The following AUH variants were observed in gnomAD, a reference collection of about 807,000 sequenced individuals.
The protein encoded by AUH is methylglutaconyl-CoA hydratase, mitochondrial.
AUH carries 29 observed loss-of-function variants against 42.3 expected under a neutral mutation model. The observed-to-expected ratio is 0.69, with a 90% CI of 0.51 to 0.93. The LOEUF (loss-of-function observed/expected upper bound fraction) is 0.93, where lower values mean the gene tolerates loss of function less well. AUH is among the 40% of genes least tolerant of loss of function. The probability of loss-of-function intolerance (pLI) is 0.00; values close to 1 mark genes in which losing one functional copy is unlikely to be tolerated. For synonymous variants in AUH, 174 were observed against 166.4 expected, an observed-to-expected ratio of 1.05 and a Z score of -0.35; for missense variants, 452 against 438.1, an observed-to-expected ratio of 1.03 and a Z score of -0.28.
chr9:91,226,517 T>C (rs1179563437), intron 6 of AUH, among the ~76,000 whole-genome samples: 272 of 151,632 alleles, frequency 1.8e-3, no homozygotes, highest in Non-Finnish European at 3.5e-3. Context: ...TTCACTCTGA[T>C]GGTAGTTTCT....
chr9:91,330,212 T>A (rs1830230257), intron 3 of AUH, among the ~76,000 whole-genome samples: 1 of 152,086 alleles, frequency 6.6e-6, no homozygotes, highest in Non-Finnish European at 1.5e-5. Flanking sequence ...CGAAAAGATA[T>A]CACTTTCAAA....
chr9:91,220,890 A>G lies in AUH; in HGVS notation c.758T>C (p.Leu253Ser). 1 of 1,614,276 alleles carries G rather than the reference A, an allele frequency of 6.2e-7. No individual in the cohort carries two copies. Among genetic ancestry groups the G allele is most frequent in the Non-Finnish European group, 8.5e-7 (1 of 1,180,060 alleles). The change falls in exon 7 of 10, where the codon TTA becomes TCA. Residue 253 changes from leucine to serine, a missense_variant. Transcript: ENST00000375731. The part of the protein sequence containing the change: ...LDGKEAKAVG[L>S]ISHVLEQNQE... ...GTTCTGTTCCAGAACGTGGCTGATT[A>G]AGCCCACTGCTTTGGCTTCTTTGCC...
At chr9:91,319,746 A>G (rs1475257038) in intron 4 of AUH, among the ~76,000 whole-genome samples, 3 of 152,234 alleles carry the variant, frequency 2.0e-5, no homozygotes, top group Non-Finnish European at 4.4e-5. Context: ...CTGGCAGGCC[A>G]CTGCGCATGC....
At chr9:91,271,884 G>A (rs1354800929) in intron 6 of AUH, among the ~76,000 whole-genome samples, 1 of 152,142 alleles carries the variant, frequency 6.6e-6, no homozygotes, top group Admixed American at 6.5e-5. Context: ...GTTTCAACAT[G>A]TTGGCCAGAC....
intron 3 of AUH, among the ~76,000 whole-genome samples, chr9:91,337,826 T>C (rs924898668): frequency 8.5e-5 from 13 of 152,286 alleles, no homozygotes; most frequent in African/African-American, 2.9e-4. Flanking sequence ...AGGGAAGGAA[T>C]TGATTGGTGG....
chr9:91,349,353 T>C (rs76172953), intron 3 of AUH, among the ~76,000 whole-genome samples: 94 of 152,362 alleles, frequency 6.2e-4, no homozygotes, highest in African/African-American at 2.1e-3. Context: ...CCAAGAATTG[T>C]TTATCATATA....
chr9:91,329,409 A>G (rs1298696246), intron 3 of AUH, among the ~76,000 whole-genome samples: 1 of 152,142 alleles, frequency 6.6e-6, no homozygotes, highest in East Asian at 1.9e-4. Flanking sequence ...CTAGTCACCA[A>G]CAATTGTCTG....
At chr9:91,258,136 C>T (rs1025695764) in intron 6 of AUH, among the ~76,000 whole-genome samples, 6 of 152,068 alleles carry the variant, frequency 3.9e-5, no homozygotes, top group African/African-American at 9.7e-5. Context: ...TTATTAGTTC[C>T]AAAAGTGTTT....
At position 91,292,214 on chromosome 9, in the gene AUH, G is replaced by A. The variant is rs142634109; in HGVS notation, c.655+3807C>T. 4.6e-5 allele frequency among the ~76,000 whole-genome samples: 7 copies of A among 150,876 alleles called. No homozygotes were observed. In the East Asian group the frequency reaches 9.7e-4, roughly 21 times the overall value. ...TCTAAGTTCAGGCTACCCACTAACC[G>A]CAACTTTTGTCCCACTGCAGAGAAA... is the stretch of plus-strand genomic sequence containing the variant. On this transcript the variant is annotated intron_variant, in intron 6 of 9. Coordinates refer to ENST00000375731, the MANE Select transcript of AUH (RefSeq NM_001698.3).
intron 3 of AUH, among the ~76,000 whole-genome samples, chr9:91,345,121 A>C (rs186231665): frequency 9.1e-4 from 139 of 152,324 alleles, no homozygotes; most frequent in African/African-American, 3.2e-3. Context: ...AAAAGACTGG[A>C]TGCCTTCCCC....
At position 91,220,908 on chromosome 9, in the gene AUH, T is replaced by C; in HGVS notation, c.740A>G (p.Glu247Gly). Residue 247 changes from glutamate (E) to glycine (G), a missense_variant, in exon 7 of 10, where the codon GAA becomes GGA. Glu to Gly is a moderately conservative substitution (Grantham distance 98). Transcript: ENST00000375731. ...GCTGATTAAGCCCACTGCTTTGGCT[T>C]CTTTGCCATCGAGGACTCGCGCAGA... is the stretch of plus-strand genomic sequence containing the variant. ...IFSARVLDGK[E>G]AKAVGLISHV... 1 of 1,614,248 alleles carries C rather than the reference T, an allele frequency of 6.2e-7. No homozygotes were observed. Among genetic ancestry groups the C allele is most frequent in the Non-Finnish European group, 8.5e-7 (1 of 1,180,034 alleles).
chr9:91,325,015 C>T (rs1452497278), intron 4 of AUH, among the ~76,000 whole-genome samples: 3 of 152,010 alleles, frequency 2.0e-5, no homozygotes, highest in Middle Eastern at 3.4e-3. Flanking sequence ...GAATCCCAAA[C>T]GTATGTTTGC....
In AUH at chr9:91,325,327, TA is replaced by T; in HGVS notation, c.495del (p.Asn166ThrfsTer14). The T allele has an allele frequency of 6.2e-7, 1 of 1,613,708 alleles. No individual in the cohort carries two copies. The highest frequency in any genetic ancestry group is 8.5e-7 in the Non-Finnish European group (1 of 1,179,702). On this transcript the variant is annotated frameshift_variant, in exon 4 of 10. Transcript: ENST00000375731. LOFTEE classifies it high-confidence loss of function. ...ACTTAATAGTGCTTACCAATATCGTTAATCACTGCTCTTATTTTGGAGACAA... is the reference window on the plus strand; with the variant it reads ...ACTTAATAGTGCTTACCAATATCGTTATCACTGCTCTTATTTTGGAGACAA... The part of the protein sequence containing the change: ...GPFVSKIRAV[I>X]NDIANLPVPT...
At chr9:91,360,013 GAA>G (rs1044119659) in intron 1 of AUH, among the ~76,000 whole-genome samples, 1 of 115,396 alleles carries the variant, frequency 8.7e-6, no homozygotes, top group Admixed American at 8.7e-5. Context: ...CAAGGCTAAA[GAA>G]AAAAAAAAAA....
chr9:91,220,657 A>G (rs1827078465), intron 7 of AUH, 148 bp downstream of exon 7: 3 of 748,058 alleles, frequency 4.0e-6, no homozygotes, highest in Admixed American at 2.6e-5. Flanking sequence ...TATCTTGTGT[A>G]ACTGCTCTAG....
In AUH at chr9:91,295,226, T is replaced by A. The variant is rs550537108; in HGVS notation, c.655+795A>T. On this transcript the variant is annotated intron_variant, in intron 6 of 9. Transcript: ENST00000375731. ...TGTAGAACTGTGAGTCCATTAAACC[T>A]CTTTCCTTTATAAATTACCCAGTCT... Among the ~76,000 whole-genome samples the A allele has an allele frequency of 8.8e-4, 134 of 152,314 alleles. 1 individual carries two copies. The highest frequency in any genetic ancestry group is 3.1e-3 in the African/African-American group (129 of 41,572).
chr9:91,252,296 C>T (rs78745711), intron 6 of AUH, among the ~76,000 whole-genome samples: 3,403 of 151,900 alleles, frequency 0.022, 132 homozygotes, highest in African/African-American at 0.077. Context: ...AAGTAGTAGG[C>T]ATTTAAAAAC....
intron 6 of AUH, among the ~76,000 whole-genome samples, chr9:91,229,608 T>A (rs542055924): frequency 6.6e-6 from 1 of 152,006 alleles, no homozygotes; most frequent in Non-Finnish European, 1.5e-5. Flanking sequence ...TGATGTTAGC[T>A]GGTTATTTTG....
intron 6 of AUH, among the ~76,000 whole-genome samples, chr9:91,245,055 A>G (rs1828719455): frequency 6.6e-6 from 1 of 152,210 alleles, no homozygotes; most frequent in Non-Finnish European, 1.5e-5. Flanking sequence ...TCAGAGCAAC[A>G]ACAATTAGTT....
Sources: gnomAD v4.1 joint callset for allele counts (sites outside exome capture counted in the v4.1 genomes callset) on GRCh38, gnomAD v4.1.1 for gene constraint, MANE v1.5 for transcripts, NCBI Gene and HGNC (gene_info 2026-07-23, HGNC 2026-07-21) for gene names.